Variants in TVP23B observed in about 807,000 individuals in gnomAD.
The protein encoded by TVP23B is Golgi apparatus membrane protein TVP23 homolog B.
Under a neutral mutation model 30.6 loss-of-function variants are expected in TVP23B, and 10 were observed. The observed-to-expected ratio is 0.33, with a 90% CI of 0.20 to 0.55. The LOEUF (loss-of-function observed/expected upper bound fraction) is 0.55. Ranked by LOEUF, TVP23B falls within the 20% of genes least tolerant of loss-of-function variation. TVP23B has a pLI of 0.91. For synonymous variants in TVP23B, 67 were observed against 83.1 expected, an observed-to-expected ratio of 0.81 and a Z score of 1.06; for missense variants, 153 against 243.2, an observed-to-expected ratio of 0.63 and a Z score of 2.47.
rs1456561537 is a variant in TVP23B, at chr17:18,783,094, TTGATTG to T, written c.12+1790_12+1795del. 2.6e-4 allele frequency among the ~76,000 whole-genome samples: 30 copies of T among 115,284 alleles called. 3 individuals are homozygous for T. Among genetic ancestry groups the T allele is most frequent in the East Asian group, 4.3e-4 (2 of 4,666 alleles). 75.6% of individuals were successfully genotyped at this position (115,284 alleles called of 152,430 possible). On this transcript the variant is annotated intron_variant, in intron 1 of 6. Coordinates refer to ENST00000307767, the MANE Select transcript of TVP23B (RefSeq NM_016078.6). ...TTCCCACTATTTATTTATTTATTGA[TTGATTG>T]ATTGATTCATTCATTCATTTATGAG...
At position 18,806,068 on chromosome 17, in the gene TVP23B, A is replaced by G. The variant is rs1367278826; in HGVS notation, c.*501A>G. 2.0e-6 allele frequency: 2 copies of G among 980,918 alleles called. No homozygotes were observed. Among genetic ancestry groups the G allele is most frequent in the Non-Finnish European group, 1.2e-6 (1 of 825,908 alleles). The allele number at this position is 980,918 out of a possible 1,614,324, so 60.8% of individuals were successfully genotyped here. On this transcript the variant is annotated 3_prime_UTR_variant, in exon 7 of 7. Coordinates refer to ENST00000307767, the MANE Select transcript of TVP23B (RefSeq NM_016078.6). ...TTAGAAATAATTGTTAGTTTTTAAT[A>G]TGCACTTCGTGGGGAAATTTCTTAG...
intron 3 of TVP23B, chr17:18,795,794 G>A (rs2036068169): frequency 6.6e-6 from 1 of 152,174 alleles, no homozygotes; most frequent in Non-Finnish European, 1.5e-5. Flanking sequence ...TGAGGAGAGA[G>A]AACTACATTC....
chr17:18,803,759 T>C (rs1359980568), intron 5 of TVP23B, among the ~76,000 whole-genome samples: 4 of 152,378 alleles, frequency 2.6e-5, no homozygotes, highest in East Asian at 3.9e-4. Context: ...TTTGTAATTC[T>C]TATAGGAATA....
rs183172164 is a variant in TVP23B at position 18,783,979 on chromosome 17, T to C, written c.12+2674T>C. Among the ~76,000 whole-genome samples, 88 of 152,074 alleles carry C rather than the reference T, an allele frequency of 5.8e-4. 2 individuals are homozygous for C. The highest frequency in any genetic ancestry group is 3.7e-4 in the Non-Finnish European group (25 of 67,984). On this transcript the variant is annotated intron_variant, in intron 1 of 6. Transcript: ENST00000307767. ...GGCTAACACGGTGAAACCCCGTCTG[T>C]ACTAAAAAACAACAAATTAGCCGGG...
At chr17:18,804,722 G>A (rs1317928756) in intron 6 of TVP23B, 1 of 305,126 alleles carries the variant, frequency 3.3e-6, no homozygotes, top group Non-Finnish European at 5.0e-6. Context: ...ATGAGTAGCT[G>A]GGATTACAGG....
intron 1 of TVP23B, among the ~76,000 whole-genome samples, chr17:18,788,202 G>A (rs541508920): frequency 7.7e-4 from 117 of 151,684 alleles, no homozygotes; most frequent in Admixed American, 5.9e-4. Context: ...ATGGTGGCAC[G>A]CGCCTGTAGT....
intron 1 of TVP23B, among the ~76,000 whole-genome samples, chr17:18,784,470 C>T (rs2035869286): frequency 6.6e-6 from 1 of 152,080 alleles, no homozygotes; most frequent in South Asian, 2.1e-4. Context: ...CATGGTGAAA[C>T]CCCGTCTCTA....
At chr17:18,783,075 C>CTGTTTATTTATT (rs2035832860) in intron 1 of TVP23B, among the ~76,000 whole-genome samples, 5 of 77,338 alleles carry the variant, frequency 6.5e-5, no homozygotes, top group African/African-American at 1.7e-4. Flanking sequence ...ACTGTTCCCA[C>CTGTTTATTTATT]TATTTATTTA....
intron 1 of TVP23B, among the ~76,000 whole-genome samples, chr17:18,784,170 C>CA (rs1222796530): frequency 2.5e-5 from 3 of 121,458 alleles, no homozygotes; most frequent in Non-Finnish European, 3.7e-5. Context: ...ACAAACAAAA[C>CA]AAACTTGACA....
chr17:18,798,846 C>G lies in TVP23B; in HGVS notation c.365C>G (p.Ala122Gly), dbSNP rs752333522. ...SSQENKTVSE[A>G]ESRIFWLGLI... is the part of the protein sequence containing the mutation. Reference sequence around the variant, plus strand: ...CAAGAGAATAAAACTGTGTCAGAGGCTGAATCAAGAATCTTTTGGTTGGGA... The same window carrying G: ...CAAGAGAATAAAACTGTGTCAGAGGGTGAATCAAGAATCTTTTGGTTGGGA... The change falls in exon 5 of 7, where the codon GCT becomes GGT. Residue 122 changes from alanine to glycine, a missense_variant. Coordinates refer to ENST00000307767, the MANE Select transcript of TVP23B (RefSeq NM_016078.6). 3 of 1,613,540 alleles carry G rather than the reference C, an allele frequency of 1.9e-6. No individual in the cohort carries two copies. Among genetic ancestry groups the G allele is most frequent in the African/African-American group, 2.7e-5 (2 of 74,838 alleles).
intron 5 of TVP23B, among the ~76,000 whole-genome samples, chr17:18,803,798 A>C (rs2036205420): frequency 6.6e-6 from 1 of 152,090 alleles, no homozygotes; most frequent in South Asian, 2.1e-4. Flanking sequence ...CCTGAGTCTC[A>C]TTTACTTTTC....
intron 3 of TVP23B, among the ~76,000 whole-genome samples, chr17:18,795,016 C>CTTTTT (rs781620472): frequency 2.2e-5 from 1 of 46,218 alleles, no homozygotes; most frequent in Admixed American, 3.8e-4. Context: ...CATCTCAAAT[C>CTTTTT]TTTTTTTTTT....
intron 1 of TVP23B, among the ~76,000 whole-genome samples, chr17:18,786,794 T>G (rs1274370799): frequency 2.6e-5 from 4 of 151,538 alleles, no homozygotes; most frequent in Non-Finnish European, 4.4e-5. Flanking sequence ...CTGCATGAGC[T>G]ACTTGACCAT....
intron 1 of TVP23B, among the ~76,000 whole-genome samples, chr17:18,783,247 A>T (rs2035837938): frequency 6.6e-6 from 1 of 151,938 alleles, no homozygotes; most frequent in South Asian, 2.1e-4. Context: ...CTGGGATTAC[A>T]GGCGCCTGCC....
intron 2 of TVP23B, 132 bp downstream of exon 2, chr17:18,789,567 C>T (rs1198431480): frequency 5.0e-6 from 6 of 1,207,338 alleles, no homozygotes; most frequent in Non-Finnish European, 4.6e-6. Context: ...GCTAATTTGA[C>T]GTTTAGTGTA....
intron 3 of TVP23B, among the ~76,000 whole-genome samples, chr17:18,793,493 T>C (rs549818154): frequency 1.3e-4 from 19 of 147,822 alleles, no homozygotes; most frequent in Admixed American, 1.1e-3. Context: ...CAGGTGCCTG[T>C]AGTCCCAGCT....
chr17:18,795,777 T>A (rs1204276773), intron 3 of TVP23B: 4 of 152,244 alleles, frequency 2.6e-5, no homozygotes, highest in African/African-American at 9.6e-5. Context: ...AACAGTAAGA[T>A]ACTGTGTGAG....
intron 3 of TVP23B, chr17:18,796,585 ATTTTGAG>A (rs1466563446): frequency 2.0e-5 from 3 of 151,932 alleles, no homozygotes; most frequent in African/African-American, 7.3e-5. Context: ...AAACTACAAT[ATTTTGAG>A]GTAACTGCAG....
At chr17:18,787,118 G>C (rs1050516415) in intron 1 of TVP23B, among the ~76,000 whole-genome samples, 15 of 151,886 alleles carry the variant, frequency 9.9e-5, no homozygotes, top group African/African-American at 3.6e-4. Flanking sequence ...GTCTTGGTTG[G>C]GCGTGGTGGC....
Sources: gnomAD v4.1 joint callset for allele counts (sites outside exome capture counted in the v4.1 genomes callset) on GRCh38, gnomAD v4.1.1 for gene constraint, MANE v1.5 for transcripts, NCBI Gene and HGNC (gene_info 2026-07-23, HGNC 2026-07-21) for gene names.